The following XRN1 variants were observed in gnomAD, a reference collection of about 807,000 sequenced individuals.
XRN1 encodes 5'-3' exoribonuclease 1.
XRN1 carries 67 observed loss-of-function variants against 222.3 expected under a neutral mutation model. That is an observed-to-expected ratio of 0.30 (90% CI 0.25 to 0.37). XRN1 has a LOEUF of 0.37. XRN1 is among the 10% of genes least tolerant of loss of function. The probability of loss-of-function intolerance (pLI) is 1.00; values close to 1 mark genes in which losing one functional copy is unlikely to be tolerated. For synonymous variants in XRN1, 643 were observed against 652.4 expected (o/e 0.99, Z 0.22); for missense variants, 1,707 against 2,000.2 (o/e 0.85, Z 2.80).
chr3:142,343,206 A>C (rs1479168610), intron 33 of XRN1, among the ~76,000 whole-genome samples: 1 of 152,204 alleles, frequency 6.6e-6, no homozygotes, highest in Non-Finnish European at 1.5e-5. Context: ...CTGTAATCCC[A>C]GCACTTTGGG....
chr3:142,388,460 C>G (rs762166374), intron 20 of XRN1, among the ~76,000 whole-genome samples: 1 of 151,988 alleles, frequency 6.6e-6, no homozygotes, highest in Non-Finnish European at 1.5e-5. Context: ...ATTTTTTTTA[C>G]TGTATTGGGG....
chr3:142,431,927 A>AT (rs2069596698), intron 2 of XRN1, among the ~76,000 whole-genome samples: 1 of 92,672 alleles, frequency 1.1e-5, no homozygotes, highest in Non-Finnish European at 2.0e-5. Flanking sequence ...TATATAATAT[A>AT]ATATATTGTA....
At chr3:142,341,207 GTGT>G (rs772622603) in intron 33 of XRN1, among the ~76,000 whole-genome samples, 18 of 152,250 alleles carry the variant, frequency 1.2e-4, no homozygotes, top group South Asian at 4.1e-4. Context: ...TATGCAAGCA[GTGT>G]TGTTAAGTGT....
In XRN1 at chr3:142,318,714, T is replaced by C; in HGVS notation, c.4519-20A>G. ...GGAGCCCTGTGGAAGTATTTAAAAG[T>C]TACAAGACAATGCAATACAAGCTTT... On this transcript the variant is annotated intron_variant, in intron 38 of 40. Transcript: ENST00000392981. The C allele has an allele frequency of 6.2e-7, 1 of 1,610,466 alleles. No individual in the cohort carries two copies. Among genetic ancestry groups the C allele is most frequent in the Non-Finnish European group, 8.5e-7 (1 of 1,177,944 alleles).
chr3:142,407,916 T>C (rs1473798011), intron 15 of XRN1, among the ~76,000 whole-genome samples: 1 of 152,272 alleles, frequency 6.6e-6, no homozygotes, highest in Non-Finnish European at 1.5e-5. Flanking sequence ...AATGCAGTAC[T>C]TCAATACATG....
intron 1 of XRN1, among the ~76,000 whole-genome samples, chr3:142,443,992 T>C (rs2070376187): frequency 6.6e-6 from 1 of 152,182 alleles, no homozygotes; most frequent in African/African-American, 2.4e-5. Context: ...AAGACAAACA[T>C]TGCATGTTCT....
Position 142,312,723 on chromosome 3 carries a change from A to C in XRN1, c.4657T>G (p.Ser1553Ala). ...IMPSSSHLFG[S>A]MPWGPSVPVP... Reference sequence around the variant, plus strand: ...GGCACCGATGGTCCCCATGGCATTGAGCCAAAGAGATGAGACGACGAAGGC... The same window carrying C: ...GGCACCGATGGTCCCCATGGCATTGCGCCAAAGAGATGAGACGACGAAGGC... The change falls in exon 40 of 41, where the codon TCA (serine) becomes GCA (alanine). Residue 1553 changes from serine to alanine, a missense_variant. Ser to Ala is a moderately conservative substitution (Grantham distance 99). Around this residue, in one of 2 missense-constraint regions of XRN1, gnomAD observed 473 missense variants for 482.0 expected, o/e 0.98. Coordinates refer to ENST00000392981, the MANE Select transcript of XRN1 (RefSeq NM_001282857.2). The C allele has an allele frequency of 6.2e-7, 1 of 1,612,978 alleles. No individual in the cohort carries two copies. Among genetic ancestry groups the C allele is most frequent in the Non-Finnish European group, 8.5e-7 (1 of 1,179,428 alleles).
At position 142,403,953 on chromosome 3, in the gene XRN1, G is replaced by C. The variant is rs1429687324; in HGVS notation, c.1920C>G (p.Asp640Glu). Residue 640 changes from aspartate to glutamate, a missense_variant, in exon 17 of 41, where the codon GAC (aspartate) becomes GAG (glutamate). By Grantham distance (45) the Asp-to-Glu change is conservative. Around this residue, in one of 2 missense-constraint regions of XRN1, gnomAD observed 1,234 missense variants for 1,518.2 expected, o/e 0.81. Coordinates refer to ENST00000392981, the MANE Select transcript of XRN1 (RefSeq NM_001282857.2). ...KIISLDAWRV[D>E]INKNKITRID... Reference sequence around the variant, plus strand: ...TTCTGGTTATTTTGTTTTTGTTTATGTCTACACGCCAAGCATCTAAGGATA... The same window carrying C: ...TTCTGGTTATTTTGTTTTTGTTTATCTCTACACGCCAAGCATCTAAGGATA... 1 of 1,600,568 alleles carries C rather than the reference G, an allele frequency of 6.2e-7. No individual in the cohort carries two copies. Among genetic ancestry groups the C allele is most frequent in the Admixed American group, 1.7e-5 (1 of 59,966 alleles).
In XRN1 at chr3:142,396,323, T is replaced by G. The variant is rs193058831; in HGVS notation, c.2339+1006A>C. ...AACAATAACTCAGTAACTGAGTGCCTAGGCACTAACCAATAAATTGGAATA... is the reference window on the plus strand; with the variant it reads ...AACAATAACTCAGTAACTGAGTGCCGAGGCACTAACCAATAAATTGGAATA... On this transcript the variant is annotated intron_variant, in intron 20 of 40. Coordinates refer to ENST00000392981, the MANE Select transcript of XRN1 (RefSeq NM_001282857.2). 2.0e-5 allele frequency among the ~76,000 whole-genome samples: 3 copies of G among 152,316 alleles called. No individual in the cohort carries two copies. The East Asian group carries it at 5.8e-4, about 29-fold the overall frequency.
chr3:142,375,745 C>T (rs2067122896), intron 25 of XRN1, 53 bp downstream of exon 25: 1 of 1,489,662 alleles, frequency 6.7e-7, no homozygotes, highest in Admixed American at 2.3e-5. Context: ...GCAAAATAAA[C>T]AGTATTTTCC....
At chr3:142,444,595 C>T (rs1049530092) in intron 1 of XRN1, among the ~76,000 whole-genome samples, 1 of 151,862 alleles carries the variant, frequency 6.6e-6, no homozygotes, top group African/African-American at 2.4e-5. Context: ...GGTGACAGAG[C>T]GCGACCTTGT....
chr3:142,392,840 C>T (rs996577661), intron 20 of XRN1, among the ~76,000 whole-genome samples: 4 of 151,364 alleles, frequency 2.6e-5, no homozygotes, highest in South Asian at 2.1e-4. Context: ...GTATATACCC[C>T]GTAATGGGAT....
intron 25 of XRN1, among the ~76,000 whole-genome samples, chr3:142,374,013 T>C (rs1577318125): frequency 6.6e-6 from 1 of 151,856 alleles, no homozygotes; most frequent in Non-Finnish European, 1.5e-5. Flanking sequence ...AACAAAATTC[T>C]GAGGGAAAAT....
At position 142,332,533 on chromosome 3, in the gene XRN1, T is replaced by A; in HGVS notation, c.4064A>T (p.Lys1355Met). 3.1e-6 allele frequency: 5 copies of A among 1,604,906 alleles called. No homozygotes were observed. The highest frequency in any genetic ancestry group is 4.3e-6 in the Non-Finnish European group (5 of 1,175,568). Reference sequence around the variant, plus strand: ...AATTTCTTTAAGCATCCGTGTTCCCTTCTTTTTGAAAATGATTCACATGGA... The same window carrying A: ...AATTTCTTTAAGCATCCGTGTTCCCATCTTTTTGAAAATGATTCACATGGA... ...EHLSPQSFAM[K>M]GTRMLKEILK... is the part of the protein sequence containing the mutation. The change falls in exon 36 of 41, where the codon AAG becomes ATG. Residue 1355 changes from lysine to methionine, a missense_variant and splice_region_variant. Lys to Met is a moderately conservative substitution (Grantham distance 95, BLOSUM62 -1). Coordinates refer to ENST00000392981, the MANE Select transcript of XRN1 (RefSeq NM_001282857.2).
intron 4 of XRN1, 37 bp downstream of exon 4, chr3:142,425,392 C>T (rs1559873697): frequency 1.3e-5 from 21 of 1,577,892 alleles, no homozygotes; most frequent in Middle Eastern, 1.7e-4. Flanking sequence ...ATATTAAATA[C>T]TTTTTTTAAA....
intron 20 of XRN1, among the ~76,000 whole-genome samples, chr3:142,393,194 T>C (rs2067800160): frequency 6.8e-6 from 1 of 146,562 alleles, no homozygotes; most frequent in African/African-American, 2.5e-5. Context: ...CTTGTAAATT[T>C]GTTTGAGTTC....
chr3:142,331,678 G>T (rs148726571), intron 36 of XRN1, among the ~76,000 whole-genome samples: 1 of 152,172 alleles, frequency 6.6e-6, no homozygotes, highest in African/African-American at 2.4e-5. Context: ...TAAAGGTTTG[G>T]ATGTCTACAG....
Position 142,447,744 on chromosome 3 carries a change from C to G in XRN1, c.75+126G>C, listed in dbSNP as rs970906271. On this transcript the variant is annotated intron_variant, in intron 1 of 40. Coordinates refer to ENST00000392981, the MANE Select transcript of XRN1 (RefSeq NM_001282857.2). The surrounding 1 kb of genome is among the most constrained non-coding windows in gnomAD (Gnocchi z 4.2). ...GTCCTCAAACCTTCCGTCCCCCTCC[C>G]TAATGCCACTAATCGTCCAGACGAC... 8.8e-7 allele frequency: 1 copy of G among 1,138,034 alleles called. No homozygotes were observed. Among genetic ancestry groups the G allele is most frequent in the South Asian group, 1.4e-5 (1 of 71,388 alleles). The allele number at this position is 1,138,034 out of a possible 1,614,324, so 70.5% of individuals were successfully genotyped here.
At chr3:142,326,096 A>G (rs1486343323) in intron 37 of XRN1, among the ~76,000 whole-genome samples, 1 of 150,596 alleles carries the variant, frequency 6.6e-6, no homozygotes, top group Non-Finnish European at 1.5e-5. Flanking sequence ...AGCTTTGTTC[A>G]CTTTGCTCTG....
Sources: allele counts gnomAD v4.1 joint callset (sites outside exome capture counted in the v4.1 genomes callset), GRCh38; gene constraint gnomAD v4.1.1; regional missense constraint gnomAD v4.1.1; non-coding constraint Gnocchi (gnomAD v3.1); transcripts MANE v1.5; gene names NCBI Gene and HGNC (gene_info 2026-07-23, HGNC 2026-07-21).